The following IL1RAPL2 variants were observed in gnomAD, a reference collection of about 807,000 sequenced individuals.
IL1RAPL2 encodes the protein interleukin 1 receptor accessory protein like 2, also known as X-linked interleukin-1 receptor accessory protein-like 2.
Under a neutral mutation model 44.1 loss-of-function variants are expected in IL1RAPL2, and 3 were observed. The observed-to-expected ratio is 0.07, with a 90% CI of 0.03 to 0.18. IL1RAPL2 has a LOEUF of 0.18. IL1RAPL2 is among the 10% of genes least tolerant of loss of function. The probability of loss-of-function intolerance (pLI) is 1.00; values close to 1 mark genes in which losing one functional copy is unlikely to be tolerated. For synonymous variants in IL1RAPL2, 181 were observed against 178.8 expected (o/e 1.01, Z -0.10); for missense variants, 391 against 496.4 (o/e 0.79, Z 2.02).
chrX:104,981,579 G>A (rs2030440612), intron 2 of IL1RAPL2, among the ~76,000 whole-genome samples: 1 of 110,353 alleles, frequency 9.1e-6, no homozygotes, highest in African/African-American at 3.3e-5. Flanking sequence ...TCTTCCTCTT[G>A]CCTGATTTAT....
At chrX:105,150,615 G>A (rs895934077) in intron 2 of IL1RAPL2, among the ~76,000 whole-genome samples, 39 of 112,057 alleles carry the variant, frequency 3.5e-4, no homozygotes, top group African/African-American at 1.0e-3. Context: ...AGCCTTAGGG[G>A]AAAGAACTAA....
intron 2 of IL1RAPL2, among the ~76,000 whole-genome samples, chrX:104,999,386 G>C (rs1215051438): frequency 9.0e-6 from 1 of 111,202 alleles, no homozygotes; most frequent in Non-Finnish European, 1.9e-5. Flanking sequence ...TTTTTTAAAA[G>C]TGCAGAAGTA....
At chrX:105,058,949 T>C (rs112798103) in intron 2 of IL1RAPL2, among the ~76,000 whole-genome samples, 7,315 of 111,180 alleles carry the variant, frequency 0.066, 657 homozygotes, top group African/African-American at 0.23. Context: ...CAGTGACACC[T>C]CTTGCAGTCA....
intron 2 of IL1RAPL2, among the ~76,000 whole-genome samples, chrX:104,893,927 G>C (rs781025359): frequency 7.1e-5 from 8 of 111,892 alleles, no homozygotes; most frequent in Admixed American, 1.9e-4. Flanking sequence ...GCTGGTACCG[G>C]TTGTTCCTTT....
intron 2 of IL1RAPL2, among the ~76,000 whole-genome samples, chrX:105,063,574 A>G (rs2032100634): frequency 8.9e-6 from 1 of 112,084 alleles, no homozygotes; most frequent in Admixed American, 9.4e-5. Context: ...AGGTGATTCA[A>G]GACTGTCTTC....
chrX:105,361,231 A>G (rs1179655163), intron 5 of IL1RAPL2, among the ~76,000 whole-genome samples: 1 of 111,177 alleles, frequency 9.0e-6, no homozygotes, highest in Non-Finnish European at 1.9e-5. Context: ...TAAACAAAAG[A>G]TGCTGATATA....
chrX:104,822,278 T>G (rs1263213794), intron 2 of IL1RAPL2, among the ~76,000 whole-genome samples: 2 of 112,160 alleles, frequency 1.8e-5, no homozygotes, highest in Non-Finnish European at 3.8e-5. Context: ...CAATTTTGAC[T>G]TTTGTTGCAA....
intron 6 of IL1RAPL2, among the ~76,000 whole-genome samples, chrX:105,646,935 C>T (rs748427037): frequency 3.4e-4 from 38 of 112,431 alleles, no homozygotes; most frequent in African/African-American, 1.1e-3. Context: ...GGTGGTGGGC[C>T]GCTCCCAAGA....
intron 2 of IL1RAPL2, among the ~76,000 whole-genome samples, chrX:104,891,134 C>G (rs769583237): frequency 9.0e-6 from 1 of 111,305 alleles, no homozygotes; most frequent in Admixed American, 9.5e-5. Flanking sequence ...TTTCTGAGGG[C>G]TCTGTTCTGT....
At chrX:105,391,364 C>T (rs150057061) in intron 5 of IL1RAPL2, among the ~76,000 whole-genome samples, 13 of 109,841 alleles carry the variant, frequency 1.2e-4, no homozygotes, top group African/African-American at 4.3e-4. Flanking sequence ...CAAAAGAAGA[C>T]ATTTATGCAG....
At chrX:104,888,628 C>G (rs1409714833) in intron 2 of IL1RAPL2, among the ~76,000 whole-genome samples, 3 of 110,577 alleles carry the variant, frequency 2.7e-5, no homozygotes, top group Non-Finnish European at 5.7e-5. Flanking sequence ...CAACCTAACC[C>G]ACGCTCTGTT....
intron 2 of IL1RAPL2, among the ~76,000 whole-genome samples, chrX:105,029,204 T>C (rs1305927760): frequency 9.2e-6 from 1 of 108,445 alleles, no homozygotes; most frequent in African/African-American, 3.3e-5. Context: ...CTTTTTTTTT[T>C]AGTTGAGGTC....
At chrX:105,585,754 C>A (rs749655422) in intron 6 of IL1RAPL2, among the ~76,000 whole-genome samples, 76 of 111,748 alleles carry the variant, frequency 6.8e-4, no homozygotes, top group Non-Finnish European at 9.4e-5. Flanking sequence ...ATTTTCTTTA[C>A]CCAGTCTATC....
intron 2 of IL1RAPL2, among the ~76,000 whole-genome samples, chrX:104,841,579 G>T (rs1295594812): frequency 8.9e-6 from 1 of 111,857 alleles, no homozygotes; most frequent in East Asian, 2.8e-4. Context: ...TGAAAGGCAG[G>T]CCTGGTGGTG....
intron 2 of IL1RAPL2, among the ~76,000 whole-genome samples, chrX:105,069,221 G>A (rs905999093): frequency 8.9e-6 from 1 of 112,837 alleles, no homozygotes; most frequent in Non-Finnish European, 1.9e-5. Flanking sequence ...TGGCAAATCA[G>A]AGTCATCTGG....
intron 2 of IL1RAPL2, among the ~76,000 whole-genome samples, chrX:104,946,668 TG>T (rs1439364320): frequency 7.0e-5 from 7 of 99,833 alleles, no homozygotes; most frequent in Non-Finnish European, 1.4e-4. Context: ...ATGCGGTGTT[TG>T]GTTTTTAGTT....
chrX:104,937,119 T>C (rs1480235350), intron 2 of IL1RAPL2, among the ~76,000 whole-genome samples: 2 of 112,174 alleles, frequency 1.8e-5, no homozygotes, highest in African/African-American at 6.5e-5. Flanking sequence ...AGCTACCAAA[T>C]TATTAGCCTG....
intron 10 of IL1RAPL2, among the ~76,000 whole-genome samples, chrX:105,758,405 G>A (rs1315110165): frequency 1.0e-5 from 1 of 98,499 alleles, no homozygotes; most frequent in African/African-American, 4.5e-5. Flanking sequence ...GAAAGTACAT[G>A]AAAATCTCTC....
intron 2 of IL1RAPL2, among the ~76,000 whole-genome samples, chrX:105,045,481 G>GT (rs1407147945): frequency 8.9e-6 from 1 of 112,192 alleles, no homozygotes; most frequent in Non-Finnish European, 1.9e-5. Flanking sequence ...TATATCAGCA[G>GT]TTAGACAGAA....
Sources: gnomAD v4.1 joint callset for allele counts (sites outside exome capture counted in the v4.1 genomes callset) on GRCh38, gnomAD v4.1.1 for gene constraint, MANE v1.5 for transcripts, NCBI Gene and HGNC (gene_info 2026-07-23, HGNC 2026-07-21) for gene names.